Variants in MAD1L1 observed in about 807,000 individuals in gnomAD.
MAD1L1 encodes mitotic spindle assembly checkpoint protein MAD1.
MAD1L1 carries 95 observed loss-of-function variants against 96.9 expected under a neutral mutation model. That is an observed-to-expected ratio of 0.98 (90% CI 0.83 to 1.16). MAD1L1 has a LOEUF of 1.16. MAD1L1 is among the 50% of genes most tolerant of loss of function. The pLI, the probability that MAD1L1 is intolerant of heterozygous loss-of-function variation, is 0.00. For synonymous variants in MAD1L1, 473 were observed against 396.6 expected, an observed-to-expected ratio of 1.19 and a Z score of -2.29; for missense variants, 1,007 against 954.4, an observed-to-expected ratio of 1.06 and a Z score of -0.73.
chr7:1,952,850 C>T (rs1176331948), intron 16 of MAD1L1, among the ~76,000 whole-genome samples: 3 of 152,196 alleles, frequency 2.0e-5, no homozygotes, highest in Non-Finnish European at 4.4e-5. Flanking sequence ...AATGAAGGTC[C>T]CACTGATGAG....
At position 2,008,084 on chromosome 7, in the gene MAD1L1, C is replaced by G. The variant is rs1782117278; in HGVS notation, c.1360-5963G>C. Among the ~76,000 whole-genome samples the G allele has an allele frequency of 2.0e-5, 3 of 152,218 alleles. No individual in the cohort carries two copies. The South Asian group carries it at 6.2e-4, about 32-fold the overall frequency. Reference sequence around the variant, plus strand: ...CAGGAAACTGACGGTCAACATGGATCAAATCATACAGATAAAGCTGGGGGA... The same window carrying G: ...CAGGAAACTGACGGTCAACATGGATGAAATCATACAGATAAAGCTGGGGGA... On this transcript the variant is annotated intron_variant, in intron 13 of 18. Transcript: ENST00000265854.
At chr7:2,015,803 G>A (rs868367844) in intron 12 of MAD1L1, among the ~76,000 whole-genome samples, 20 of 152,336 alleles carry the variant, frequency 1.3e-4, no homozygotes, top group Middle Eastern at 3.4e-3. Flanking sequence ...AGATCTTCAC[G>A]GGCATCTGGA....
chr7:2,020,359 G>A (rs1388361115), intron 12 of MAD1L1, among the ~76,000 whole-genome samples: 3 of 152,174 alleles, frequency 2.0e-5, no homozygotes, highest in East Asian at 1.9e-4. Context: ...CCATCAAGGC[G>A]TGCACCCGGC....
At chr7:2,046,035 G>A (rs955265561) in intron 12 of MAD1L1, among the ~76,000 whole-genome samples, 1 of 152,188 alleles carries the variant, frequency 6.6e-6, no homozygotes, top group African/African-American at 2.4e-5. Context: ...TCCTGGGGAA[G>A]ACCAGCTGAG....
chr7:1,864,595 C>T lies in MAD1L1; in HGVS notation c.1998+33605G>A, dbSNP rs528382196. On this transcript the variant is annotated intron_variant, in intron 18 of 18. Transcript: ENST00000265854. ...CATCCACACGAGCTGATGCCCAGAACTGCTGCAGCGGTGCCCTTCCCCCAT... is the reference window on the plus strand; with the variant it reads ...CATCCACACGAGCTGATGCCCAGAATTGCTGCAGCGGTGCCCTTCCCCCAT... Among the ~76,000 whole-genome samples, 28 of 152,366 alleles carry T rather than the reference C, an allele frequency of 1.8e-4. 1 individual carries two copies. The South Asian group carries it at 5.6e-3, about 30-fold the overall frequency.
intron 16 of MAD1L1, among the ~76,000 whole-genome samples, chr7:1,945,627 C>T (rs927334500): frequency 2.0e-5 from 3 of 152,212 alleles, no homozygotes; most frequent in East Asian, 1.9e-4. Flanking sequence ...CATCTGCAGA[C>T]GCCATGGGGT....
At chr7:1,850,548 C>T (rs1725248362) in intron 18 of MAD1L1, among the ~76,000 whole-genome samples, 1 of 152,218 alleles carries the variant, frequency 6.6e-6, no homozygotes, top group Non-Finnish European at 1.5e-5. Flanking sequence ...TCTCACTGCC[C>T]CGAGCCTGTG....
At chr7:1,842,928 C>T (rs928243082) in intron 18 of MAD1L1, among the ~76,000 whole-genome samples, 9 of 152,246 alleles carry the variant, frequency 5.9e-5, no homozygotes, top group Admixed American at 5.9e-4. Context: ...AGCTCAGGGG[C>T]TGGCTGGGGT....
Position 2,024,114 on chromosome 7 carries a change from A to T in MAD1L1, c.1219-9472T>A, listed in dbSNP as rs187588910. On this transcript the variant is annotated intron_variant, in intron 12 of 18. Coordinates refer to ENST00000265854, the MANE Select transcript of MAD1L1 (RefSeq NM_001013836.2). ...TAGCCAGGTTAACCAACATTAAAAA[A>T]AAAAAATAAAAAAAAGGAAGACACA... is the stretch of plus-strand genomic sequence containing the variant. 3.0e-3 allele frequency among the ~76,000 whole-genome samples: 461 copies of T among 152,012 alleles called. 1 individual carries two copies. The highest frequency in any genetic ancestry group is 9.4e-3 in the African/African-American group (392 of 41,512).
chr7:1,984,027 A>G (rs970467468), intron 14 of MAD1L1, among the ~76,000 whole-genome samples: 8 of 152,164 alleles, frequency 5.3e-5, no homozygotes, highest in African/African-American at 1.9e-4. Flanking sequence ...TAATCCATAT[A>G]TTTACATGCT....
At position 2,078,414 on chromosome 7, in the gene MAD1L1, C is replaced by T. The variant is rs575750323; in HGVS notation, c.1074-9076G>A. On this transcript the variant is annotated intron_variant, in intron 11 of 18. Coordinates refer to ENST00000265854, the MANE Select transcript of MAD1L1 (RefSeq NM_001013836.2). The stretch of plus-strand genomic sequence containing the variant: ...TCAGACGCGTGCGTCCGTCGTGAAG[C>T]ACGAGAGCATCAAGAGGTCCCAGTT... Among the ~76,000 whole-genome samples, 4 of 152,342 alleles carry T rather than the reference C, an allele frequency of 2.6e-5. No individual in the cohort carries two copies. The East Asian group carries it at 7.7e-4, about 29-fold the overall frequency.
intron 18 of MAD1L1, among the ~76,000 whole-genome samples, chr7:1,821,271 G>A (rs1043930489): frequency 6.6e-6 from 1 of 151,980 alleles, no homozygotes; most frequent in Non-Finnish European, 1.5e-5. Flanking sequence ...AAATAGCCTC[G>A]GTAGTCCTAT....
intron 11 of MAD1L1, among the ~76,000 whole-genome samples, chr7:2,121,490 A>T (rs1291910168): frequency 6.6e-6 from 1 of 152,238 alleles, no homozygotes; most frequent in Non-Finnish European, 1.5e-5. Context: ...GAGGTGTACC[A>T]CCAGGCAGGT....
chr7:1,895,862 A>G (rs1250321074), intron 18 of MAD1L1, among the ~76,000 whole-genome samples: 1 of 152,258 alleles, frequency 6.6e-6, no homozygotes, highest in Non-Finnish European at 1.5e-5. Context: ...AGGTCAGGTC[A>G]GGCCAGGCCT....
At chr7:1,891,136 C>T (rs150124523) in intron 18 of MAD1L1, among the ~76,000 whole-genome samples, 17 of 152,294 alleles carry the variant, frequency 1.1e-4, no homozygotes, top group Middle Eastern at 6.8e-3. Context: ...ACGAGGGGTG[C>T]GGGGCTATTT....
intron 18 of MAD1L1, among the ~76,000 whole-genome samples, chr7:1,827,543 G>C (rs11770600): frequency 0.11 from 13,688 of 120,632 alleles, 1,185 homozygotes; most frequent in South Asian, 0.24. Flanking sequence ...CCGGGTGTGG[G>C]GGCCTCCCCT....
At chr7:2,147,406 C>A (rs1172955690) in intron 11 of MAD1L1, among the ~76,000 whole-genome samples, 2 of 152,240 alleles carry the variant, frequency 1.3e-5, no homozygotes, top group East Asian at 3.8e-4. Context: ...TAAAGAAGCC[C>A]ACACAGGGCA....
intron 10 of MAD1L1, among the ~76,000 whole-genome samples, chr7:2,191,712 C>T (rs1357949492): frequency 2.0e-5 from 3 of 151,956 alleles, no homozygotes; most frequent in African/African-American, 7.3e-5. Context: ...GCCTGGGCCA[C>T]AAAGCAAGAC....
At chr7:2,228,461 C>A (rs971619426) in intron 3 of MAD1L1, among the ~76,000 whole-genome samples, 1 of 152,038 alleles carries the variant, frequency 6.6e-6, no homozygotes, top group South Asian at 2.1e-4. Flanking sequence ...CCATGTTGGT[C>A]AGGCTGGTCT....
Sources: allele counts gnomAD v4.1 joint callset (sites outside exome capture counted in the v4.1 genomes callset), GRCh38; gene constraint gnomAD v4.1.1; transcripts MANE v1.5; gene names NCBI Gene and HGNC (gene_info 2026-07-23, HGNC 2026-07-21).